The following SRGAP1 variants were observed in gnomAD, a reference collection of about 807,000 sequenced individuals.
The protein encoded by SRGAP1 is SLIT-ROBO Rho GTPase activating protein 1, also known as SLIT-ROBO Rho GTPase-activating protein 1.
A neutral mutation model predicts 121.9 loss-of-function variants in SRGAP1; 43 were observed. That is an observed-to-expected ratio of 0.35 (90% CI 0.28 to 0.46). The LOEUF (loss-of-function observed/expected upper bound fraction) is 0.46, where lower values mean the gene tolerates loss of function less well. SRGAP1 is among the 20% of genes least tolerant of loss of function. The probability of loss-of-function intolerance (pLI) is 1.00; values close to 1 mark genes in which losing one functional copy is unlikely to be tolerated. For missense variants in SRGAP1, 1,102 were observed against 1,350.9 expected (o/e 0.82, Z 2.89); for synonymous variants, 447 against 485.4 (o/e 0.92, Z 1.04).
At chr12:63,890,489 G>C (rs1248308099) in intron 1 of SRGAP1, among the ~76,000 whole-genome samples, 2 of 152,232 alleles carry the variant, frequency 1.3e-5, no homozygotes, top group East Asian at 3.8e-4. Context: ...GGGTTTTGTT[G>C]TGGGAAGCTA....
At chr12:64,039,661 A>T (rs1434611199) in intron 4 of SRGAP1, among the ~76,000 whole-genome samples, 1 of 35,960 alleles carries the variant, frequency 2.8e-5, no homozygotes, top group Non-Finnish European at 8.8e-5. Context: ...GTGTGTGTGT[A>T]CACCCTCTCA....
At position 64,020,354 on chromosome 12, in the gene SRGAP1, TAAAGC is replaced by T. The variant is rs1359226000; in HGVS notation, c.489+3347_489+3351del. 2.0e-5 allele frequency among the ~76,000 whole-genome samples: 3 copies of T among 152,182 alleles called. No homozygotes were observed. In the East Asian group the frequency reaches 5.8e-4, roughly 29 times the overall value. ...TGGATATGGCACGAAGCCCTGGACT[TAAAGC>T]AAAGACAGGATGGTGGCATTAGAGT... On this transcript the variant is annotated intron_variant, in intron 4 of 21. Coordinates refer to ENST00000355086, the MANE Select transcript of SRGAP1 (RefSeq NM_020762.4).
chr12:64,033,795 G>GA (rs2034836586), intron 4 of SRGAP1, among the ~76,000 whole-genome samples: 1 of 152,098 alleles, frequency 6.6e-6, no homozygotes, highest in Admixed American at 6.5e-5. Flanking sequence ...GCCAAGGCAG[G>GA]TGGATCATGA....
intron 15 of SRGAP1, among the ~76,000 whole-genome samples, chr12:64,108,435 G>A (rs565148666): frequency 6.6e-6 from 1 of 152,182 alleles, no homozygotes; most frequent in African/African-American, 2.4e-5. Context: ...ATGGTATAAT[G>A]TAATACAAGG....
At chr12:63,989,089 C>T (rs576213856) in intron 2 of SRGAP1, among the ~76,000 whole-genome samples, 22 of 152,308 alleles carry the variant, frequency 1.4e-4, no homozygotes, top group Non-Finnish European at 2.5e-4. Context: ...GGATTATAGG[C>T]GTGAGCCACC....
Position 64,142,614 on chromosome 12 carries a change from C to T in SRGAP1, c.3200C>T (p.Pro1067Leu). The part of the protein sequence containing the change: ...PKPAVLPKTN[P>L]TIGPAPPPQG... ...CCTGCTGTTCTTCCAAAAACAAATC[C>T]TACCATAGGACCTGCCCCACCTCCC... The change falls in exon 22 of 22, where the codon CCT (proline) becomes CTT (leucine). Residue 1067 changes from proline (P) to leucine (L), a missense_variant. Around this residue, in one of 3 missense-constraint regions of SRGAP1, gnomAD observed 315 missense variants for 343.1 expected, o/e 0.92. Transcript: ENST00000355086. 6.2e-7 allele frequency: 1 copy of T among 1,614,162 alleles called. No homozygotes were observed. Among genetic ancestry groups the T allele is most frequent in the Non-Finnish European group, 8.5e-7 (1 of 1,180,010 alleles).
chr12:63,916,135 C>T (rs754634285), intron 1 of SRGAP1, among the ~76,000 whole-genome samples: 2 of 148,942 alleles, frequency 1.3e-5, no homozygotes, highest in South Asian at 2.1e-4. Context: ...CAGGCTAGAG[C>T]GATCCTCCCA....
At chr12:64,065,330 C>T (rs747228727) in intron 8 of SRGAP1, 111 bp downstream of exon 8, 57 of 914,146 alleles carry the variant, frequency 6.2e-5, no homozygotes, top group Middle Eastern at 4.2e-4. Context: ...CTCTTCATCA[C>T]GTATTTCCTG....
chr12:63,971,090 A>G (rs953696325), intron 1 of SRGAP1, among the ~76,000 whole-genome samples: 2 of 152,190 alleles, frequency 1.3e-5, no homozygotes, highest in African/African-American at 4.8e-5. Flanking sequence ...CCTTTTGTCC[A>G]TAGTACCCTT....
In SRGAP1 at chr12:64,160,255, C is replaced by G. The variant is rs699633; in HGVS notation, c.*17583C>G. On this transcript the variant is annotated 3_prime_UTR_variant, in exon 22 of 22. Transcript: ENST00000355086. ...ACCTCATACAGCCATCTCAGCTAGTCATGACTGACCTAGATTTAACACAGT... is the reference window on the plus strand; with the variant it reads ...ACCTCATACAGCCATCTCAGCTAGTGATGACTGACCTAGATTTAACACAGT... The G allele has an allele frequency of 0.55, 83,874 of 152,008 alleles. 23,552 individuals carry two copies. Among genetic ancestry groups the G allele is most frequent in the African/African-American group, 0.64 (26,667 of 41,440 alleles). 9.4% of individuals were successfully genotyped at this position (152,008 alleles called of 1,614,324 possible). A position where few individuals can be genotyped will look rare whatever the true frequency, so the allele number is the denominator to read the frequency against.
At chr12:63,883,663 C>CTTT (rs144792182) in intron 1 of SRGAP1, among the ~76,000 whole-genome samples, 1 of 142,454 alleles carries the variant, frequency 7.0e-6, no homozygotes, top group Non-Finnish European at 1.5e-5. Context: ...TTTCTTTTTT[C>CTTT]TTTTTTTTTT....
At chr12:64,002,425 T>G (rs549098290) in intron 3 of SRGAP1, among the ~76,000 whole-genome samples, 6 of 152,288 alleles carry the variant, frequency 3.9e-5, no homozygotes, top group African/African-American at 1.4e-4. Context: ...GACACAGTCA[T>G]AAGGAGTGTT....
chr12:63,886,488 ATTTTT>A (rs1290859807), intron 1 of SRGAP1, among the ~76,000 whole-genome samples: 1 of 151,534 alleles, frequency 6.6e-6, no homozygotes, highest in Admixed American at 6.6e-5. Flanking sequence ...GTACTTATTT[ATTTTT>A]ATTTTTTTAA....
chr12:64,134,285 G>A (rs192472002), intron 21 of SRGAP1, among the ~76,000 whole-genome samples: 8 of 152,130 alleles, frequency 5.3e-5, no homozygotes, highest in Non-Finnish European at 7.4e-5. Flanking sequence ...GCTGGGAGTG[G>A]TGGTGGGTGC....
At chr12:64,055,958 G>A (rs1403807314) in intron 6 of SRGAP1, among the ~76,000 whole-genome samples, 1 of 152,072 alleles carries the variant, frequency 6.6e-6, no homozygotes, top group Non-Finnish European at 1.5e-5. Context: ...TCACTACTGA[G>A]CATCCCTAAC....
At chr12:64,008,630 G>C (rs1298720933) in intron 3 of SRGAP1, among the ~76,000 whole-genome samples, 1 of 152,114 alleles carries the variant, frequency 6.6e-6, no homozygotes, top group Non-Finnish European at 1.5e-5. Context: ...AAATTGTTTT[G>C]ATTACCTCTC....
chr12:64,045,437 A>ATTT (rs1223700896), intron 6 of SRGAP1, among the ~76,000 whole-genome samples: 1 of 143,562 alleles, frequency 7.0e-6, no homozygotes, highest in Non-Finnish European at 1.5e-5. Context: ...ATCCAAACCA[A>ATTT]TTTTTTTTTT....
At chr12:63,942,707 C>G (rs927384605) in intron 1 of SRGAP1, among the ~76,000 whole-genome samples, 2 of 152,192 alleles carry the variant, frequency 1.3e-5, no homozygotes, top group Non-Finnish European at 2.9e-5. Flanking sequence ...TCTTTCTTCT[C>G]TGAGCCTGGC....
chr12:63,870,363 A>G (rs1216348009), intron 1 of SRGAP1, among the ~76,000 whole-genome samples: 1 of 152,096 alleles, frequency 6.6e-6, no homozygotes, highest in Non-Finnish European at 1.5e-5. Flanking sequence ...AAACATAAGA[A>G]AAGGTAGTTT....
Sources: allele counts gnomAD v4.1 joint callset (sites outside exome capture counted in the v4.1 genomes callset), GRCh38; gene constraint gnomAD v4.1.1; regional missense constraint gnomAD v4.1.1; transcripts MANE v1.5; gene names NCBI Gene and HGNC (gene_info 2026-07-23, HGNC 2026-07-21).